The following MLKL variants were observed in gnomAD, a reference collection of about 807,000 sequenced individuals.
The protein encoded by MLKL is mixed lineage kinase domain-like protein.
Under a neutral mutation model 56.5 loss-of-function variants are expected in MLKL, and 55 were observed. The observed-to-expected ratio is 0.97, with a 90% CI of 0.78 to 1.22. The LOEUF is 1.22. MLKL is among the 50% of genes most tolerant of loss of function. The probability of loss-of-function intolerance (pLI) is 0.00; values close to 1 mark genes in which losing one functional copy is unlikely to be tolerated. For synonymous variants in MLKL, 251 were observed against 208.3 expected (o/e 1.20, Z -1.76); for missense variants, 694 against 573.9 (o/e 1.21, Z -2.14).
chr16:74,687,847 A>T (rs1420978169), intron 4 of MLKL, among the ~76,000 whole-genome samples: 3 of 142,470 alleles, frequency 2.1e-5, no homozygotes, highest in Admixed American at 7.1e-5. Context: ...TTTTTTTGCG[A>T]TGGAGTCTTG....
chr16:74,675,884 C>T (rs1407644148), intron 7 of MLKL, 120 bp from the exon 8 acceptor site: 1 of 1,072,932 alleles, frequency 9.3e-7, no homozygotes, highest in Admixed American at 2.3e-5. Context: ...GATTTATTTC[C>T]TGTCGTGACT....
rs751515999 is a variant in MLKL, at chr16:74,682,656, T to C, written c.951A>G (p.Leu317=). The C allele has an allele frequency of 2.5e-6, 4 of 1,614,082 alleles. No individual in the cohort carries two copies. The South Asian group carries it at 4.4e-5, about 18-fold the overall frequency. The part of the protein sequence containing the change: ...MVLVLGAARG[L]YRLHHSEAPE... ...GCCTTTTCACCCCGTCTTACCGGTA[T>C]AGGCCTCGGGCTGCCCCCAGGACTA... Residue 317 remains leucine, a synonymous_variant, in exon 6 of 11, where the codon CTA becomes CTG. Transcript: ENST00000308807.
intron 5 of MLKL, among the ~76,000 whole-genome samples, chr16:74,684,855 G>A (rs1231005207): frequency 2.0e-5 from 3 of 151,886 alleles, no homozygotes; most frequent in African/African-American, 7.2e-5. Flanking sequence ...CTTTGGGTCA[G>A]ACAGCTTTAT....
intron 1 of MLKL, among the ~76,000 whole-genome samples, chr16:74,698,132 G>C (rs1961161495): frequency 6.6e-6 from 1 of 152,150 alleles, no homozygotes; most frequent in African/African-American, 2.4e-5. Flanking sequence ...TTGAGGCTGG[G>C]AGGTCGAGGC....
chr16:74,682,560 C>A (rs754463387), intron 6 of MLKL, 91 bp downstream of exon 6: 4 of 1,518,374 alleles, frequency 2.6e-6, no homozygotes, highest in African/African-American at 2.8e-5. Flanking sequence ...CTGTCTGGGG[C>A]GTCTGGCCTG....
intron 1 of MLKL, among the ~76,000 whole-genome samples, chr16:74,696,977 A>T (rs1961082818): frequency 7.1e-6 from 1 of 140,406 alleles, no homozygotes; most frequent in East Asian, 2.0e-4. Flanking sequence ...ATATATATGT[A>T]ATATTACATA....
intron 6 of MLKL, among the ~76,000 whole-genome samples, chr16:74,681,936 T>TA (rs1380909198): frequency 6.6e-6 from 1 of 152,182 alleles, no homozygotes; most frequent in African/African-American, 2.4e-5. Context: ...ATAGTTGTAC[T>TA]AAAAATAAAT....
chr16:74,687,703 C>G lies in MLKL; in HGVS notation c.723-2120G>C, dbSNP rs181237670. ...ACAGTTTTTTTTTTTGGAACTTGCT[C>G]TGTCACCCAGGCTGGAGTGCAGCGA... On this transcript the variant is annotated intron_variant, in intron 4 of 10. Coordinates refer to ENST00000308807, the MANE Select transcript of MLKL (RefSeq NM_152649.4). Among the ~76,000 whole-genome samples, 344 of 152,128 alleles carry G rather than the reference C, an allele frequency of 2.3e-3. 3 individuals are homozygous for G. Among genetic ancestry groups the G allele is most frequent in the Non-Finnish European group, 4.9e-4 (33 of 67,998 alleles).
intron 7 of MLKL, chr16:74,677,084 A>C (rs954806725): frequency 6.6e-6 from 1 of 151,938 alleles, no homozygotes; most frequent in Non-Finnish European, 1.5e-5. Flanking sequence ...ACGGAGTCTC[A>C]CTCTGTCGCC....
intron 1 of MLKL, among the ~76,000 whole-genome samples, chr16:74,699,690 T>A (rs888454787): frequency 3.3e-5 from 5 of 152,130 alleles, no homozygotes; most frequent in Non-Finnish European, 7.4e-5. Context: ...ATCCCAGCAC[T>A]TTGGGAGGGT....
At chr16:74,699,431 G>T (rs1961244879) in intron 1 of MLKL, among the ~76,000 whole-genome samples, 1 of 152,080 alleles carries the variant, frequency 6.6e-6, no homozygotes, top group African/African-American at 2.4e-5. Flanking sequence ...AAAATATTGG[G>T]AAAAAGCACC....
intron 6 of MLKL, among the ~76,000 whole-genome samples, chr16:74,681,566 G>C (rs767722870): frequency 6.6e-6 from 1 of 151,918 alleles, no homozygotes; most frequent in Non-Finnish European, 1.5e-5. Context: ...GGCCGAGACA[G>C]GTGGATCATG....
chr16:74,672,999 G>C (rs1381969734), intron 10 of MLKL, among the ~76,000 whole-genome samples: 1 of 152,194 alleles, frequency 6.6e-6, no homozygotes, highest in Non-Finnish European at 1.5e-5. Flanking sequence ...ACTATGCCGT[G>C]ACTTTGATTC....
intron 7 of MLKL, chr16:74,676,545 G>A (rs371381859): frequency 1.6e-4 from 135 of 870,582 alleles, no homozygotes; most frequent in South Asian, 7.9e-4. Flanking sequence ...ATCTAGCGCC[G>A]TATGGGATAC....
Position 74,682,741 on chromosome 16 carries a change from C to T in MLKL, c.866G>A (p.Gly289Glu), listed in dbSNP as rs1960066315. The T allele has an allele frequency of 6.2e-7, 1 of 1,613,976 alleles. No individual in the cohort carries two copies. Among genetic ancestry groups the T allele is most frequent in the Non-Finnish European group, 8.5e-7 (1 of 1,180,034 alleles). The change falls in exon 6 of 11, where the codon GGG (glycine) becomes GAG (glutamate). Residue 289 changes from glycine to glutamate, a missense_variant. Gly to Glu is a moderately conservative substitution (Grantham distance 98, BLOSUM62 -2). Coordinates refer to ENST00000308807, the MANE Select transcript of MLKL (RefSeq NM_152649.4). ...CCTATCCAACAGCTCCCTCAGGGTC[C>T]CGAGTTCACAGTACTCCATGACAAT... Reference protein sequence around the residue: ...FSIVMEYCELGTLRELLDREK... With the variant: ...FSIVMEYCELETLRELLDREK...
rs747405061 is a variant in MLKL, at chr16:74,675,695, T to C, written c.1108A>G (p.Arg370Gly). 1.3e-6 allele frequency: 2 copies of C among 1,596,578 alleles called. No homozygotes were observed. The highest frequency in any genetic ancestry group is 2.2e-5 in the East Asian group (1 of 44,862). The part of the protein sequence containing the change: ...SLGTTREKTD[R>G]VKSTAYLSPQ... ...GAGAGATATGCTGTAGATTTGACTC[T>C]GTCTGTCTTTTCTCTCGTAGTTCCC... Residue 370 changes from arginine (R) to glycine (G), a missense_variant, in exon 8 of 11, where the codon AGA becomes GGA. Physicochemically the swap from Arg to Gly is moderately radical, Grantham distance 125 (BLOSUM62 -2). Coordinates refer to ENST00000308807, the MANE Select transcript of MLKL (RefSeq NM_152649.4).
intron 4 of MLKL, among the ~76,000 whole-genome samples, chr16:74,689,737 G>C (rs1960555858): frequency 6.6e-6 from 1 of 152,084 alleles, no homozygotes; most frequent in Admixed American, 6.6e-5. Context: ...TCAGATCTAT[G>C]TCTATATAAA....
At chr16:74,679,906 G>A (rs764776485) in intron 6 of MLKL, among the ~76,000 whole-genome samples, 8 of 152,180 alleles carry the variant, frequency 5.3e-5, no homozygotes, top group African/African-American at 9.7e-5. Context: ...GTAGGATGGC[G>A]AAGGAGAAGA....
chr16:74,677,755 G>C (rs1959692100), intron 7 of MLKL: 1 of 152,050 alleles, frequency 6.6e-6, no homozygotes, highest in Non-Finnish European at 1.5e-5. Context: ...TCGGCTCACT[G>C]CAAACCTCTG....
Sources: gnomAD v4.1 joint callset for allele counts (sites outside exome capture counted in the v4.1 genomes callset) on GRCh38, gnomAD v4.1.1 for gene constraint, MANE v1.5 for transcripts, NCBI Gene and HGNC (gene_info 2026-07-23, HGNC 2026-07-21) for gene names.